Variants in NLGN1 observed in about 807,000 individuals in gnomAD.
NLGN1 encodes the protein neuroligin 1.
Under a neutral mutation model 65.5 loss-of-function variants are expected in NLGN1, and 12 were observed. That is an observed-to-expected ratio of 0.18 (90% confidence interval 0.12 to 0.30). NLGN1 has a LOEUF of 0.30. Among genes scored for constraint, NLGN1 ranks in the 10% least tolerant of loss-of-function variants. The pLI is 1.00. For missense variants in NLGN1, 750 were observed against 1,007.1 expected (o/e 0.74, Z 3.46); for synonymous variants, 350 against 359.5 (o/e 0.97, Z 0.30).
intron 2 of NLGN1, among the ~76,000 whole-genome samples, chr3:173,497,416 A>G (rs1162087356): frequency 6.6e-6 from 1 of 151,348 alleles, no homozygotes; most frequent in Non-Finnish European, 1.5e-5. Flanking sequence ...AAATAAATAA[A>G]TAAATTCTTA....
At chr3:173,684,923 G>C (rs748361985) in intron 3 of NLGN1, among the ~76,000 whole-genome samples, 6 of 152,114 alleles carry the variant, frequency 3.9e-5, no homozygotes, top group Non-Finnish European at 5.9e-5. Flanking sequence ...CTCTACTTCT[G>C]ATAATTCATA....
intron 2 of NLGN1, among the ~76,000 whole-genome samples, chr3:173,517,127 A>G (rs993200614): frequency 3.3e-5 from 5 of 152,030 alleles, no homozygotes; most frequent in African/African-American, 1.2e-4. Flanking sequence ...CTGTTAGTGA[A>G]TTTTTGACAC....
At chr3:173,830,010 G>GTTTT (rs76306125) in intron 4 of NLGN1, among the ~76,000 whole-genome samples, 1 of 139,244 alleles carries the variant, frequency 7.2e-6, no homozygotes, top group Admixed American at 7.0e-5. Context: ...GGTAGTGTGG[G>GTTTT]GGGGGGAGGG....
At chr3:173,868,791 C>G (rs891980979) in intron 4 of NLGN1, among the ~76,000 whole-genome samples, 2 of 152,100 alleles carry the variant, frequency 1.3e-5, no homozygotes, top group African/African-American at 2.4e-5. Context: ...GTAATTTTAA[C>G]AAGCATCTCA....
chr3:173,724,771 T>A (rs1771479620), intron 3 of NLGN1, among the ~76,000 whole-genome samples: 1 of 152,146 alleles, frequency 6.6e-6, no homozygotes, highest in African/African-American at 2.4e-5. Context: ...CAGCAAAGAC[T>A]TGGAACCAAC....
chr3:174,024,321 A>C (rs961957411), intron 4 of NLGN1, among the ~76,000 whole-genome samples: 2 of 152,146 alleles, frequency 1.3e-5, no homozygotes, highest in Admixed American at 1.3e-4. Flanking sequence ...AAGGCAACCA[A>C]GAACTTTGCC....
At chr3:173,410,209 T>C (rs1712224139) in intron 1 of NLGN1, among the ~76,000 whole-genome samples, 2 of 152,162 alleles carry the variant, frequency 1.3e-5, no homozygotes, top group African/African-American at 4.8e-5. Flanking sequence ...TCTAAAACTC[T>C]AAAAAGTATA....
intron 3 of NLGN1, among the ~76,000 whole-genome samples, chr3:173,748,086 C>T (rs1012809548): frequency 1.3e-5 from 2 of 151,888 alleles, no homozygotes; most frequent in Non-Finnish European, 2.9e-5. Flanking sequence ...AGGCATGAGC[C>T]ACCACACCTG....
rs541871847 is a variant in NLGN1, at chr3:174,108,633, G to GGGTA, written c.647-166679_647-166676dup. ...AGTGGAGATTTATAGCCAAGGAACAGGGTAGGGGTCAGTGCATGGAAATTA... is the reference window on the plus strand; with the variant it reads ...AGTGGAGATTTATAGCCAAGGAACAGGGTAGGTAGGGGTCAGTGCATGGAAATTA... On this transcript the variant is annotated intron_variant, in intron 4 of 6. Coordinates refer to ENST00000457714, the Ensembl canonical transcript of NLGN1. Among the ~76,000 whole-genome samples the GGGTA allele has an allele frequency of 1.1e-3, 163 of 152,196 alleles. 1 individual carries two copies. The highest frequency in any genetic ancestry group is 1.9e-3 in the Non-Finnish European group (132 of 67,998).
intron 2 of NLGN1, among the ~76,000 whole-genome samples, chr3:173,520,090 T>C (rs1397464090): frequency 1.3e-5 from 2 of 152,196 alleles, no homozygotes; most frequent in East Asian, 3.9e-4. Context: ...TCTCTTCTCC[T>C]GCTTTGGCCA....
chr3:173,959,486 G>A (rs1173117063), intron 4 of NLGN1, among the ~76,000 whole-genome samples: 2 of 152,098 alleles, frequency 1.3e-5, no homozygotes, highest in Non-Finnish European at 2.9e-5. Context: ...TAAACCTTTG[G>A]CTTCTTGTAC....
chr3:173,894,441 G>C (rs1735971596), intron 4 of NLGN1, among the ~76,000 whole-genome samples: 1 of 152,002 alleles, frequency 6.6e-6, no homozygotes, highest in Non-Finnish European at 1.5e-5. Context: ...GAGTTTCTAA[G>C]TCATTCATTC....
chr3:173,716,411 T>A (rs1169918391), intron 3 of NLGN1, among the ~76,000 whole-genome samples: 1 of 152,160 alleles, frequency 6.6e-6, no homozygotes, highest in Non-Finnish European at 1.5e-5. Flanking sequence ...ATGTATATAA[T>A]CTTTAAGAAT....
rs973057410 is a variant in NLGN1, at chr3:173,605,109, A to C, written c.493+18A>C. 6.4e-7 allele frequency: 1 copy of C among 1,564,426 alleles called. No individual in the cohort carries two copies. Among genetic ancestry groups the C allele is most frequent in the African/African-American group, 1.4e-5 (1 of 72,738 alleles). ...TGAGGATGGTGAGTTTATTGCAGGA[A>C]AAACAGGGAGATATATTTATATATT... On this transcript the variant is annotated intron_variant, in intron 3 of 6. Coordinates refer to ENST00000457714, the Ensembl canonical transcript of NLGN1.
At chr3:173,959,907 C>T (rs756130548) in intron 4 of NLGN1, among the ~76,000 whole-genome samples, 3 of 151,920 alleles carry the variant, frequency 2.0e-5, no homozygotes, top group East Asian at 1.9e-4. Context: ...CCCACTTTTC[C>T]GTTGTTATAT....
At chr3:173,786,220 G>C (rs1781929696) in intron 3 of NLGN1, among the ~76,000 whole-genome samples, 1 of 152,172 alleles carries the variant, frequency 6.6e-6, no homozygotes, top group Non-Finnish European at 1.5e-5. Context: ...TGAAAGGTAT[G>C]TTCCAATGCA....
At chr3:174,086,149 T>C (rs989903018) in intron 4 of NLGN1, among the ~76,000 whole-genome samples, 2 of 150,966 alleles carry the variant, frequency 1.3e-5, no homozygotes, top group Non-Finnish European at 3.0e-5. Flanking sequence ...GACAATCACT[T>C]TTTCCTTTCA....
At chr3:174,186,655 C>A (rs1731454348) in intron 4 of NLGN1, among the ~76,000 whole-genome samples, 1 of 151,982 alleles carries the variant, frequency 6.6e-6, no homozygotes, top group African/African-American at 2.4e-5. Context: ...CCATCTATAT[C>A]TTTTTCCCTT....
intron 4 of NLGN1, among the ~76,000 whole-genome samples, chr3:173,896,210 A>G (rs950529213): frequency 6.6e-6 from 1 of 152,096 alleles, no homozygotes; most frequent in East Asian, 1.9e-4. Flanking sequence ...TATAATTGCA[A>G]CATCCTATGA....
Sources: gnomAD v4.1 joint callset for allele counts (sites outside exome capture counted in the v4.1 genomes callset) on GRCh38, gnomAD v4.1.1 for gene constraint, MANE v1.5 for transcripts, NCBI Gene and HGNC (gene_info 2026-07-23, HGNC 2026-07-21) for gene names.